The following COL24A1 variants were observed in gnomAD, a reference collection of about 807,000 sequenced individuals.
COL24A1 encodes the protein collagen alpha-1(XXIV) chain.
A neutral mutation model predicts 253.9 loss-of-function variants in COL24A1; 224 were observed. The observed-to-expected ratio is 0.88, with a 90% CI of 0.79 to 0.99. The LOEUF is 0.99. COL24A1 is among the 50% of genes least tolerant of loss of function. The pLI, the probability that COL24A1 is intolerant of heterozygous loss-of-function variation, is 0.00. For missense variants in COL24A1, 2,131 were observed against 2,068.5 expected (o/e 1.03, Z -0.59); for synonymous variants, 685 against 673.7 (o/e 1.02, Z -0.26).
chr1:85,842,414 TA>T, intron 39 of COL24A1, 21 bp from the exon 40 acceptor site: 1 of 1,504,190 alleles, frequency 6.6e-7, no homozygotes, highest in Non-Finnish European at 9.2e-7. Flanking sequence ...AAGTAAATAT[TA>T]GTGAGAGAGA....
At chr1:85,736,957 A>G (rs1271861094) in intron 58 of COL24A1, among the ~76,000 whole-genome samples, 1 of 152,166 alleles carries the variant, frequency 6.6e-6, no homozygotes, top group East Asian at 1.9e-4. Flanking sequence ...ATGTTTAAGA[A>G]AGGTTATTAT....
intron 20 of COL24A1, among the ~76,000 whole-genome samples, chr1:85,972,261 CA>C (rs1692239363): frequency 6.6e-6 from 1 of 151,892 alleles, no homozygotes; most frequent in African/African-American, 2.4e-5. Flanking sequence ...ATAACTATAC[CA>C]AAGAGCAAAT....
intron 47 of COL24A1, among the ~76,000 whole-genome samples, chr1:85,787,655 T>C (rs1669825848): frequency 6.6e-6 from 1 of 152,198 alleles, no homozygotes; most frequent in Non-Finnish European, 1.5e-5. Context: ...CTATTGTGAA[T>C]GGTGCTGCAA....
chr1:86,016,553 T>C (rs1697011533), intron 19 of COL24A1, among the ~76,000 whole-genome samples: 1 of 152,198 alleles, frequency 6.6e-6, no homozygotes, highest in Non-Finnish European at 1.5e-5. Context: ...TAGAGTGAGC[T>C]TCAGAAGTTT....
intron 39 of COL24A1, 150 bp from the exon 40 acceptor site, chr1:85,842,543 C>A: frequency 1.8e-6 from 1 of 558,202 alleles, no homozygotes; most frequent in Non-Finnish European, 3.1e-6. Flanking sequence ...AAAATAACCC[C>A]CCAACTTTTG....
chr1:86,023,840 T>G (rs1053681148), intron 14 of COL24A1, among the ~76,000 whole-genome samples: 3 of 152,150 alleles, frequency 2.0e-5, no homozygotes, highest in Non-Finnish European at 4.4e-5. Flanking sequence ...AATTTCTGTG[T>G]CACTGAGGTC....
At chr1:86,076,531 G>GA (rs1253100760) in intron 7 of COL24A1, among the ~76,000 whole-genome samples, 1 of 152,102 alleles carries the variant, frequency 6.6e-6, no homozygotes, top group Non-Finnish European at 1.5e-5. Flanking sequence ...CACAGAATTA[G>GA]AAAAAACTAC....
chr1:85,905,752 A>G (rs1411798137), intron 28 of COL24A1, among the ~76,000 whole-genome samples: 1 of 152,132 alleles, frequency 6.6e-6, no homozygotes, highest in Non-Finnish European at 1.5e-5. Flanking sequence ...ACTGCAGAAC[A>G]AACGAACTTT....
At chr1:86,022,405 A>C (rs1408740989) in intron 17 of COL24A1, 112 bp from the exon 18 acceptor site, 4 of 1,369,948 alleles carry the variant, frequency 2.9e-6, no homozygotes, top group Admixed American at 3.7e-5. Context: ...ATTGAGACAA[A>C]AGTTTCAAAC....
intron 35 of COL24A1, among the ~76,000 whole-genome samples, chr1:85,870,827 A>G (rs1350809257): frequency 6.6e-6 from 1 of 152,198 alleles, no homozygotes; most frequent in Non-Finnish European, 1.5e-5. Flanking sequence ...AGCACACCGA[A>G]GGCAAGAAAC....
At chr1:85,851,924 G>A (rs1165941151) in intron 37 of COL24A1, among the ~76,000 whole-genome samples, 1 of 152,106 alleles carries the variant, frequency 6.6e-6, no homozygotes, top group Non-Finnish European at 1.5e-5. Flanking sequence ...TGCAGTCAAA[G>A]TCATTAATAT....
chr1:85,746,415 T>C (rs1665221427), intron 55 of COL24A1, among the ~76,000 whole-genome samples: 1 of 152,156 alleles, frequency 6.6e-6, no homozygotes, highest in Admixed American at 6.5e-5. Context: ...ATATATATAC[T>C]GCCAAACACT....
rs560612907 is a variant in COL24A1 at position 86,088,755 on chromosome 1, C to T, written c.1707+419G>A. On this transcript the variant is annotated intron_variant, in intron 7 of 59. Transcript: ENST00000370571. ...CAAATCCATATGTATTACCTATAAG[C>T]AAGTAAACCTCACTTTGGGCATATA... 3.9e-5 allele frequency among the ~76,000 whole-genome samples: 6 copies of T among 152,202 alleles called. No individual in the cohort carries two copies. In the South Asian group the frequency reaches 1.0e-3, roughly 26 times the overall value.
chr1:85,941,314 T>TC (rs899852240), intron 24 of COL24A1, among the ~76,000 whole-genome samples: 4 of 152,000 alleles, frequency 2.6e-5, no homozygotes, highest in Non-Finnish European at 4.4e-5. Flanking sequence ...ATCCGATGCC[T>TC]CCCCCCACTG....
chr1:86,038,129 TTAA>T (rs1237846794), intron 12 of COL24A1, among the ~76,000 whole-genome samples: 1 of 152,112 alleles, frequency 6.6e-6, no homozygotes, highest in Non-Finnish European at 1.5e-5. Flanking sequence ...AAAGACAAAT[TTAA>T]TAATAATATG....
Position 85,911,774 on chromosome 1 carries a change from C to T in COL24A1, c.2563-341G>A, listed in dbSNP as rs375392406. ...CATACCTGTTTGATGTGGATATATT[C>T]GTTTAAGAAATCATTTCTGTAACTA... On this transcript the variant is annotated intron_variant, in intron 24 of 59. Coordinates refer to ENST00000370571, the MANE Select transcript of COL24A1 (RefSeq NM_152890.7). Among the ~76,000 whole-genome samples, 7 of 152,076 alleles carry T rather than the reference C, an allele frequency of 4.6e-5. No homozygotes were observed. In the South Asian group the frequency reaches 8.3e-4, roughly 18 times the overall value.
chr1:86,122,224 G>A (rs1184785077), intron 3 of COL24A1, among the ~76,000 whole-genome samples: 6 of 151,888 alleles, frequency 4.0e-5, no homozygotes, highest in African/African-American at 1.5e-4. Context: ...TTTTGGCCCT[G>A]CTGATCAATT....
In COL24A1 at chr1:85,823,713, C is replaced by G; in HGVS notation, c.3707G>C (p.Arg1236Thr). The part of the protein sequence containing the change: ...YKGHVGVPGL[R>T]GATGQQGPPG... The stretch of plus-strand genomic sequence containing the variant: ...GGGTCCTTGTTGTCCAGTGGCACCT[C>G]TTAGTCCTGGTACACCCACATGGCC... Residue 1236 changes from arginine to threonine, a missense_variant, in exon 44 of 60, where the codon AGA (arginine) becomes ACA (threonine). Arg to Thr is a moderately conservative substitution (Grantham distance 71). Transcript: ENST00000370571. 1 of 1,613,822 alleles carries G rather than the reference C, an allele frequency of 6.2e-7. No individual in the cohort carries two copies. The highest frequency in any genetic ancestry group is 8.5e-7 in the Non-Finnish European group (1 of 1,179,834).
intron 3 of COL24A1, among the ~76,000 whole-genome samples, chr1:86,118,357 C>T (rs528323382): frequency 1.3e-5 from 2 of 152,284 alleles, no homozygotes; most frequent in African/African-American, 4.8e-5. Flanking sequence ...GCCACTGTGC[C>T]TGGCCTAATT....
Sources: gnomAD v4.1 joint callset for allele counts (sites outside exome capture counted in the v4.1 genomes callset) on GRCh38, gnomAD v4.1.1 for gene constraint, MANE v1.5 for transcripts, NCBI Gene and HGNC (gene_info 2026-07-23, HGNC 2026-07-21) for gene names.